RELN: variants seen among roughly 807,000 people sequenced by gnomAD.
RELN encodes the protein reelin.
Under a neutral mutation model 427.6 loss-of-function variants are expected in RELN, and 108 were observed. The ratio of observed to expected loss-of-function variants is 0.25; its 90% CI spans 0.22 to 0.30. RELN has a LOEUF of 0.30. Ranked by LOEUF, RELN falls within the 10% of genes least tolerant of loss-of-function variation. The pLI, the probability that RELN is intolerant of heterozygous loss-of-function variation, is 1.00. For missense variants in RELN, 3,715 were observed against 4,302.8 expected, an observed-to-expected ratio of 0.86 and a Z score of 3.82; for synonymous variants, 1,524 against 1,513.4, an observed-to-expected ratio of 1.01 and a Z score of -0.16.
intron 16 of RELN, among the ~76,000 whole-genome samples, chr7:103,646,122 A>G (rs1832791820): frequency 6.6e-6 from 1 of 151,866 alleles, no homozygotes; most frequent in Non-Finnish European, 1.5e-5. Flanking sequence ...AAGATATAGC[A>G]AAAGCAGTGC....
intron 10 of RELN, among the ~76,000 whole-genome samples, chr7:103,694,534 G>A (rs1309106170): frequency 6.6e-6 from 1 of 151,962 alleles, no homozygotes; most frequent in Non-Finnish European, 1.5e-5. Flanking sequence ...GTGTGTGTGT[G>A]AGTCTGGAAT....
chr7:103,747,463 G>A (rs556313428), intron 6 of RELN, among the ~76,000 whole-genome samples: 11 of 151,810 alleles, frequency 7.2e-5, no homozygotes, highest in Non-Finnish European at 1.5e-4. Flanking sequence ...TACTTTTACC[G>A]CACAGAAATA....
chr7:103,887,577 G>C (rs896753589), intron 2 of RELN, among the ~76,000 whole-genome samples: 2 of 152,166 alleles, frequency 1.3e-5, no homozygotes, highest in Non-Finnish European at 2.9e-5. Context: ...GGTGTAACAC[G>C]ATCATGATTT....
At chr7:103,808,094 T>C (rs572238778) in intron 3 of RELN, among the ~76,000 whole-genome samples, 118 of 152,276 alleles carry the variant, frequency 7.7e-4, no homozygotes, top group Non-Finnish European at 1.4e-3. Context: ...GGTTGGAAAG[T>C]CTGTTTAAAA....
intron 19 of RELN, among the ~76,000 whole-genome samples, chr7:103,631,973 A>T (rs1342248304): frequency 6.6e-6 from 1 of 152,164 alleles, no homozygotes; most frequent in Non-Finnish European, 1.5e-5. Flanking sequence ...TTTTAACATA[A>T]CAATTGAAAA....
chr7:103,638,045 A>G (rs2117355709), intron 17 of RELN, among the ~76,000 whole-genome samples: 1 of 151,364 alleles, frequency 6.6e-6, no homozygotes, highest in Admixed American at 6.6e-5. Context: ...ATGCTGATAA[A>G]GATAAAGTAG....
intron 28 of RELN, among the ~76,000 whole-genome samples, chr7:103,578,441 G>A (rs1251676880): frequency 1.3e-5 from 2 of 152,178 alleles, no homozygotes; most frequent in African/African-American, 4.8e-5. Context: ...AGAGTGAAAG[G>A]GCAAGAGATG....
intron 2 of RELN, among the ~76,000 whole-genome samples, chr7:103,850,501 G>A (rs1311328027): frequency 6.6e-6 from 1 of 152,156 alleles, no homozygotes; most frequent in African/African-American, 2.4e-5. Flanking sequence ...GGGATCCATC[G>A]AGAGGGTAGC....
intron 3 of RELN, among the ~76,000 whole-genome samples, chr7:103,803,296 G>T (rs1792515030): frequency 6.6e-6 from 1 of 152,104 alleles, no homozygotes; most frequent in Non-Finnish European, 1.5e-5. Context: ...CAGTGATGAT[G>T]ATTAAAACAC....
At chr7:103,630,778 C>T (rs2535756) in intron 19 of RELN, among the ~76,000 whole-genome samples, 2,895 of 151,432 alleles carry the variant, frequency 0.019, 105 homozygotes, top group African/African-American at 0.066. Context: ...CATTTGTCAC[C>T]GTCAAAGTAC....
chr7:103,635,330 G>T, intron 19 of RELN, 95 bp downstream of exon 19: 2 of 1,410,022 alleles, frequency 1.4e-6, no homozygotes, highest in Non-Finnish European at 2.0e-6. Context: ...ATCTGTCAAT[G>T]GAAAAATATC....
intron 1 of RELN, among the ~76,000 whole-genome samples, chr7:103,958,884 T>C (rs973799763): frequency 1.3e-5 from 2 of 152,190 alleles, no homozygotes; most frequent in Non-Finnish European, 2.9e-5. Context: ...CTTTTCCACT[T>C]TACAGACAGA....
intron 1 of RELN, among the ~76,000 whole-genome samples, chr7:103,931,241 G>A (rs1795858285): frequency 6.6e-6 from 1 of 152,078 alleles, no homozygotes; most frequent in Admixed American, 6.5e-5. Context: ...TCCAATATGT[G>A]AATACAAGGG....
At position 103,540,416 on chromosome 7, in the gene RELN, G is replaced by A; in HGVS notation, c.6711C>T (p.Gly2237=). The change falls in exon 44 of 65, where the codon GGC becomes GGT. Residue 2237 remains glycine (G), a synonymous_variant. Transcript: ENST00000428762. ...CGGGTTGACTCCTGGGGTCAGGAAC[G>A]CCTTTACCACATCCCAGTCTCATGA... ...QFFMRLGCGK[G]VPDPRSQPVL... is the part of the protein sequence containing the mutation. 2 of 1,613,944 alleles carry A rather than the reference G, an allele frequency of 1.2e-6. No individual in the cohort carries two copies. The highest frequency in any genetic ancestry group is 8.5e-7 in the Non-Finnish European group (1 of 1,179,924).
intron 11 of RELN, among the ~76,000 whole-genome samples, chr7:103,672,329 A>C (rs1833412318): frequency 6.6e-6 from 1 of 152,114 alleles, no homozygotes; most frequent in Non-Finnish European, 1.5e-5. Context: ...TAACCAACTC[A>C]AGTATGGCAG....
At chr7:103,488,001 AGCT>A (rs955100320) in intron 60 of RELN, among the ~76,000 whole-genome samples, 3 of 152,078 alleles carry the variant, frequency 2.0e-5, no homozygotes, top group African/African-American at 7.2e-5. Flanking sequence ...AAAGAAGATG[AGCT>A]GGGCATGGTG....
rs1828852609 is a variant in RELN, at chr7:103,496,711, T to C, written c.9008A>G (p.His3003Arg). The C allele has an allele frequency of 1.2e-6, 2 of 1,614,176 alleles. No homozygotes were observed. The highest frequency in any genetic ancestry group is 1.7e-6 in the Non-Finnish European group (2 of 1,180,010). Reference sequence around the variant, plus strand: ...ATCTTCAGGAAGAAGTATGTAGTCGTGTCTAACAGAAATGTATTTCTGGTA... The same window carrying C: ...ATCTTCAGGAAGAAGTATGTAGTCGCGTCTAACAGAAATGTATTTCTGGTA... ...MDYQKYISVR[H>R]DYILLPEDAL... The change falls in exon 56 of 65, where the codon CAC becomes CGC. Residue 3003 changes from histidine (H) to arginine (R), a missense_variant. By Grantham distance (29) the His-to-Arg change is conservative (BLOSUM62 0). Coordinates refer to ENST00000428762, the MANE Select transcript of RELN (RefSeq NM_005045.4).
At chr7:103,892,286 G>A (rs1314948906) in intron 2 of RELN, among the ~76,000 whole-genome samples, 1 of 152,152 alleles carries the variant, frequency 6.6e-6, no homozygotes, top group African/African-American at 2.4e-5. Flanking sequence ...CTTCCATGCT[G>A]ACCAAAAACA....
rs1009905670 is a variant in RELN, at chr7:103,824,041, T to C, written c.473+9496A>G. On this transcript the variant is annotated intron_variant, in intron 3 of 64. Coordinates refer to ENST00000428762, the MANE Select transcript of RELN (RefSeq NM_005045.4). This position sits in a 1 kb window ranked among gnomAD's most constrained non-coding sequence, Gnocchi z 4.4. ...TGTCAGATTAAATTTATAGGTAATCTGTCTTTTCTATTTTGTCACCTTTGA... is the reference window on the plus strand; with the variant it reads ...TGTCAGATTAAATTTATAGGTAATCCGTCTTTTCTATTTTGTCACCTTTGA... Among the ~76,000 whole-genome samples the C allele has an allele frequency of 6.6e-6, 1 of 152,110 alleles. No homozygotes were observed. The highest frequency in any genetic ancestry group is 1.5e-5 in the Non-Finnish European group (1 of 68,006).
Sources: gnomAD v4.1 joint callset for allele counts (sites outside exome capture counted in the v4.1 genomes callset) on GRCh38, gnomAD v4.1.1 for gene constraint, Gnocchi (gnomAD v3.1) non-coding constraint, MANE v1.5 for transcripts, NCBI Gene and HGNC (gene_info 2026-07-23, HGNC 2026-07-21) for gene names.